The following NAALADL2 variants were observed in gnomAD, a reference collection of about 807,000 sequenced individuals.
NAALADL2 encodes inactive N-acetylated-alpha-linked acidic dipeptidase-like protein 2.
Under a neutral mutation model 87.2 loss-of-function variants are expected in NAALADL2, and 76 were observed. The ratio of observed to expected loss-of-function variants is 0.87; its 90% confidence interval spans 0.72 to 1.05. The LOEUF is 1.05. NAALADL2 is among the 50% of genes least tolerant of loss of function. The pLI, the probability that NAALADL2 is intolerant of heterozygous loss-of-function variation, is 0.00. For synonymous variants in NAALADL2, 354 were observed against 331.0 expected (o/e 1.07, Z -0.75); for missense variants, 1,089 against 945.8 (o/e 1.15, Z -1.99).
intron 2 of NAALADL2, among the ~76,000 whole-genome samples, chr3:175,162,767 T>G (rs892550038): frequency 2.6e-5 from 4 of 152,164 alleles, no homozygotes; most frequent in Non-Finnish European, 5.9e-5. Context: ...TGAAATTTGT[T>G]TGTTCATATT....
intron 3 of NAALADL2, among the ~76,000 whole-genome samples, chr3:174,797,256 A>C (rs1718209268): frequency 6.7e-6 from 1 of 149,868 alleles, no homozygotes; most frequent in Non-Finnish European, 1.5e-5. Flanking sequence ...GTAGGCTCTA[A>C]GTATGTGACT....
In NAALADL2 at chr3:174,443,349, G is replaced by C. The variant is rs548165886; in HGVS notation, c.-184+2317G>C. The stretch of plus-strand genomic sequence containing the variant: ...TATATTTTGAGGGTGTATTCCTCAG[G>C]GTTTGCTGAGAGATAGGATATGGAA... On this transcript the variant is annotated intron_variant, in intron 1 of 3. Coordinates refer to the NAALADL2 transcript ENST00000434257. Among the ~76,000 whole-genome samples the C allele has an allele frequency of 5.9e-5, 9 of 152,262 alleles. No homozygotes were observed. The East Asian group carries it at 1.5e-3, about 26-fold the overall frequency.
Position 174,552,496 on chromosome 3 carries a change from A to G in NAALADL2, c.-115+1859A>G, listed in dbSNP as rs146151758. Among the ~76,000 whole-genome samples the G allele has an allele frequency of 8.9e-4, 136 of 152,242 alleles. No homozygotes were observed. In the Middle Eastern group the frequency reaches 0.014, roughly 15 times the overall value. On this transcript the variant is annotated intron_variant, in intron 2 of 3. Coordinates refer to the NAALADL2 transcript ENST00000434257. ...GAAACCAGGTATTAATTTAGTTTTT[A>G]CTACAAATCAATAATAGGCCGGGTG...
rs540337492 is a variant in NAALADL2 at position 175,807,916 on chromosome 3, G to C, written c.*4713G>C. ...GTTTTGTGCACTTCACAACTTTTAG[G>C]TGACATGAATTTGAAGCGTAGCAAA... On this transcript the variant is annotated 3_prime_UTR_variant, in exon 14 of 14. Coordinates refer to ENST00000454872, the MANE Select transcript of NAALADL2 (RefSeq NM_207015.3). 20 of 151,942 alleles carry C rather than the reference G, an allele frequency of 1.3e-4. No homozygotes were observed. The highest frequency in any genetic ancestry group is 4.3e-4 in the African/African-American group (18 of 41,498). The allele number at this position is 151,942 out of a possible 1,614,324, so 9.4% of individuals were successfully genotyped here.
chr3:174,693,260 A>T (rs942531139), intron 2 of NAALADL2, among the ~76,000 whole-genome samples: 13 of 152,292 alleles, frequency 8.5e-5, no homozygotes, highest in Non-Finnish European at 1.9e-4. Flanking sequence ...GTTTTATGAC[A>T]TGGAGAGTTT....
chr3:174,527,084 G>C (rs569124787), intron 1 of NAALADL2, among the ~76,000 whole-genome samples: 1 of 152,340 alleles, frequency 6.6e-6, no homozygotes, highest in South Asian at 2.1e-4. Flanking sequence ...CTACACAGTA[G>C]AGGGTGGAGT....
At chr3:175,585,140 A>G (rs1720358381) in intron 10 of NAALADL2, among the ~76,000 whole-genome samples, 3 of 151,558 alleles carry the variant, frequency 2.0e-5, no homozygotes, top group Admixed American at 2.0e-4. Context: ...TTCTATTTTT[A>G]TAAATTATTT....
At chr3:175,361,130 G>A (rs946163746) in intron 5 of NAALADL2, among the ~76,000 whole-genome samples, 1 of 151,444 alleles carries the variant, frequency 6.6e-6, no homozygotes, top group Non-Finnish European at 1.5e-5. Context: ...TTGGTTTTCT[G>A]TCCTTCTGGT....
chr3:174,964,273 G>A (rs1742557478), intron 1 of NAALADL2, among the ~76,000 whole-genome samples: 1 of 152,014 alleles, frequency 6.6e-6, no homozygotes, highest in Non-Finnish European at 1.5e-5. Context: ...TGGCAGGAGT[G>A]ATAAAATTAA....
At chr3:174,843,789 G>A (rs1410920306) in intron 3 of NAALADL2, among the ~76,000 whole-genome samples, 2 of 151,802 alleles carry the variant, frequency 1.3e-5, no homozygotes, top group Admixed American at 6.6e-5. Context: ...GCGATGTTGA[G>A]TTTTTTTTCA....
At position 175,216,694 on chromosome 3, in the gene NAALADL2, T is replaced by C. The variant is rs1335662182; in HGVS notation, c.546-17237T>C. 3.5e-5 allele frequency among the ~76,000 whole-genome samples: 4 copies of C among 114,656 alleles called. No homozygotes were observed. In the South Asian group the frequency reaches 1.1e-3, roughly 31 times the overall value. 75.2% of individuals were successfully genotyped at this position (114,656 alleles called of 152,430 possible). On this transcript the variant is annotated intron_variant, in intron 2 of 13. Transcript: ENST00000454872. ...TTTTTTTTTTTTTTTTTTGAGAAGG[T>C]GTCTCGCCCTATTGCCCAGGCTGGA...
At chr3:175,241,112 A>C (rs138567122) in intron 3 of NAALADL2, among the ~76,000 whole-genome samples, 1 of 152,188 alleles carries the variant, frequency 6.6e-6, no homozygotes, top group Non-Finnish European at 1.5e-5. Context: ...TTAAATCTGC[A>C]TACAGTCCCT....
chr3:175,473,046 A>G (rs1180767128), intron 9 of NAALADL2, among the ~76,000 whole-genome samples: 1 of 152,160 alleles, frequency 6.6e-6, no homozygotes, highest in Non-Finnish European at 1.5e-5. Flanking sequence ...CAAGTTTTAT[A>G]TTTTGAGAAT....
intron 13 of NAALADL2, among the ~76,000 whole-genome samples, chr3:175,774,106 T>C (rs991817460): frequency 2.0e-5 from 3 of 152,078 alleles, no homozygotes; most frequent in Non-Finnish European, 4.4e-5. Flanking sequence ...TAAAGCTCTG[T>C]CAGTGTTTCT....
intron 5 of NAALADL2, among the ~76,000 whole-genome samples, chr3:175,333,457 G>GTA (rs1412565426): frequency 6.6e-6 from 1 of 152,070 alleles, no homozygotes; most frequent in African/African-American, 2.4e-5. Flanking sequence ...ATAAAATGTG[G>GTA]TATATATGCA....
At chr3:174,509,568 A>ATTTTTTTTTTTTT (rs145219498) in intron 1 of NAALADL2, among the ~76,000 whole-genome samples, 19 of 80,118 alleles carry the variant, frequency 2.4e-4, no homozygotes, top group East Asian at 8.2e-4. Flanking sequence ...CACCCAGCTA[A>ATTTTTTTTTTTTT]TTTTTTTTTT....
chr3:174,928,591 T>C (rs915011014), intron 1 of NAALADL2, among the ~76,000 whole-genome samples: 2 of 152,200 alleles, frequency 1.3e-5, no homozygotes, highest in Non-Finnish European at 2.9e-5. Context: ...TTTGACTTCT[T>C]TACAAGTGAT....
intron 9 of NAALADL2, among the ~76,000 whole-genome samples, chr3:175,561,139 A>G (rs1716207700): frequency 6.6e-6 from 1 of 152,218 alleles, no homozygotes; most frequent in Middle Eastern, 3.2e-3. Flanking sequence ...TATAAGTGTT[A>G]TATACAGTTA....
intron 1 of NAALADL2, among the ~76,000 whole-genome samples, chr3:175,054,619 C>A (rs1711719293): frequency 6.6e-6 from 1 of 152,180 alleles, no homozygotes; most frequent in African/African-American, 2.4e-5. Context: ...AGCCATTGTT[C>A]TATCCAAATT....
Sources: gnomAD v4.1 joint callset for allele counts (sites outside exome capture counted in the v4.1 genomes callset) on GRCh38, gnomAD v4.1.1 for gene constraint, MANE v1.5 for transcripts, NCBI Gene and HGNC (gene_info 2026-07-23, HGNC 2026-07-21) for gene names.